Variants in KCNQ3 observed in about 807,000 individuals in gnomAD.
KCNQ3 encodes the protein potassium voltage-gated channel subfamily Q member 3, also known as potassium voltage-gated channel subfamily KQT member 3.
A neutral mutation model predicts 92.5 loss-of-function variants in KCNQ3; 30 were observed. The observed-to-expected ratio is 0.32, with a 90% CI of 0.24 to 0.44. The LOEUF is 0.44. KCNQ3 is among the 20% of genes least tolerant of loss of function. The pLI is 1.00. For synonymous variants in KCNQ3, 450 were observed against 468.8 expected (o/e 0.96, Z 0.52); for missense variants, 913 against 1,140.3 (o/e 0.80, Z 2.87).
chr8:132,358,287 G>C (rs1819069309), intron 1 of KCNQ3, among the ~76,000 whole-genome samples: 1 of 152,204 alleles, frequency 6.6e-6, no homozygotes, highest in South Asian at 2.1e-4. Context: ...AGAAGTCCTA[G>C]CACTGCCAGA....
intron 1 of KCNQ3, among the ~76,000 whole-genome samples, chr8:132,208,686 A>G (rs887355951): frequency 1.3e-5 from 2 of 152,168 alleles, no homozygotes; most frequent in Non-Finnish European, 2.9e-5. Context: ...GCGATACTGG[A>G]CTAGGTTGAC....
intron 1 of KCNQ3, among the ~76,000 whole-genome samples, chr8:132,267,204 A>G: frequency 6.6e-6 from 1 of 152,162 alleles, no homozygotes; most frequent in East Asian, 1.9e-4. Context: ...ATAATCCATT[A>G]CTAGAAAAAC....
chr8:132,204,901 T>A (rs1474183195), intron 1 of KCNQ3, among the ~76,000 whole-genome samples: 1 of 152,196 alleles, frequency 6.6e-6, no homozygotes, highest in African/African-American at 2.4e-5. Flanking sequence ...GAAATGCAGA[T>A]CACCCCCTCT....
intron 6 of KCNQ3, among the ~76,000 whole-genome samples, 163 bp from the exon 7 acceptor site, chr8:132,172,856 T>C (rs1053354656): frequency 6.6e-6 from 1 of 152,196 alleles, no homozygotes; most frequent in Non-Finnish European, 1.5e-5. Context: ...CTTCCTTCTC[T>C]TGAAGAGAGT....
chr8:132,193,081 C>T (rs187212950), intron 1 of KCNQ3, among the ~76,000 whole-genome samples: 20 of 152,266 alleles, frequency 1.3e-4, no homozygotes, highest in East Asian at 1.9e-4. Context: ...CCTTCCTCTG[C>T]GCCTTGCCCA....
intron 1 of KCNQ3, among the ~76,000 whole-genome samples, chr8:132,450,189 A>G (rs1047248084): frequency 2.0e-5 from 3 of 152,108 alleles, no homozygotes; most frequent in Non-Finnish European, 4.4e-5. Context: ...GCCAGCTTTT[A>G]TTCCCTTATT....
rs1824589558 is a variant in KCNQ3, at chr8:132,124,245, G to C, written c.*5017C>G. On this transcript the variant is annotated 3_prime_UTR_variant, in exon 15 of 15. Coordinates refer to ENST00000388996, the MANE Select transcript of KCNQ3 (RefSeq NM_004519.4). ...TGAAAGCATTTGATTTAATAATTAGGATTGTTTCTCCACGATTCTTTTTCT... is the reference window on the plus strand; with the variant it reads ...TGAAAGCATTTGATTTAATAATTAGCATTGTTTCTCCACGATTCTTTTTCT... The C allele has an allele frequency of 6.6e-6, 1 of 151,912 alleles. No individual in the cohort carries two copies. The highest frequency in any genetic ancestry group is 1.5e-5 in the Non-Finnish European group (1 of 68,036). The allele number at this position is 151,912 out of a possible 1,614,324, so 9.4% of individuals were successfully genotyped here. A position where few individuals can be genotyped will look rare whatever the true frequency, so the allele number is the denominator to read the frequency against.
At chr8:132,421,436 G>A (rs569525147) in intron 1 of KCNQ3, among the ~76,000 whole-genome samples, 10 of 152,280 alleles carry the variant, frequency 6.6e-5, no homozygotes, top group Non-Finnish European at 1.2e-4. Flanking sequence ...ACGAGGTGCT[G>A]GCAGGAAACA....
intron 1 of KCNQ3, among the ~76,000 whole-genome samples, chr8:132,291,821 T>C (rs1395308877): frequency 6.6e-6 from 1 of 152,150 alleles, no homozygotes; most frequent in Non-Finnish European, 1.5e-5. Flanking sequence ...CAAAATAACT[T>C]TAAAAACAGC....
intron 1 of KCNQ3, among the ~76,000 whole-genome samples, chr8:132,322,091 T>G (rs1563858535): frequency 6.6e-6 from 1 of 152,012 alleles, no homozygotes; most frequent in African/African-American, 2.4e-5. Context: ...CGGAGAGAGA[T>G]AAGACGGTTA....
At chr8:132,274,438 C>G (rs1816261376) in intron 1 of KCNQ3, among the ~76,000 whole-genome samples, 1 of 152,146 alleles carries the variant, frequency 6.6e-6, no homozygotes, top group Non-Finnish European at 1.5e-5. Context: ...AGTTACAATT[C>G]AAGATGAGAT....
rs1172695293 is a variant in KCNQ3, at chr8:132,481,006, C to G, written c.-474G>C. 2 of 155,406 alleles carry G rather than the reference C, an allele frequency of 1.3e-5. No individual in the cohort carries two copies. The highest frequency in any genetic ancestry group is 3.5e-4 in the South Asian group (2 of 5,712). 9.6% of individuals were successfully genotyped at this position (155,406 alleles called of 1,614,324 possible). A position where few individuals can be genotyped will look rare whatever the true frequency, so the allele number is the denominator to read the frequency against. The stretch of plus-strand genomic sequence containing the variant: ...CGCCGCCGCCGCCTCCTCCCTCCTC[C>G]GCGCTCCCACCCGCGCCCCTCCCCG... On this transcript the variant is annotated 5_prime_UTR_variant, in exon 1 of 15. Coordinates refer to ENST00000388996, the MANE Select transcript of KCNQ3 (RefSeq NM_004519.4).
chr8:132,462,801 G>C (rs1427571909), intron 1 of KCNQ3, among the ~76,000 whole-genome samples: 1 of 152,092 alleles, frequency 6.6e-6, no homozygotes, highest in Non-Finnish European at 1.5e-5. Flanking sequence ...CTGATACCCT[G>C]GACACAGGTC....
At chr8:132,278,305 G>GA (rs934665647) in intron 1 of KCNQ3, 914 of 553,124 alleles carry the variant, frequency 1.7e-3, no homozygotes, top group Non-Finnish European at 1.9e-3. Context: ...ATGGCCAAAG[G>GA]AAAAAAAAAG....
At chr8:132,315,647 T>C (rs1390011075) in intron 1 of KCNQ3, among the ~76,000 whole-genome samples, 1 of 152,210 alleles carries the variant, frequency 6.6e-6, no homozygotes, top group African/African-American at 2.4e-5. Flanking sequence ...AATTGAAAGA[T>C]AACTTATTTC....
At chr8:132,416,909 G>A (rs1429082194) in intron 1 of KCNQ3, among the ~76,000 whole-genome samples, 2 of 152,206 alleles carry the variant, frequency 1.3e-5, no homozygotes, top group Non-Finnish European at 2.9e-5. Flanking sequence ...CCCTGTTGGA[G>A]CAGACAGATA....
intron 1 of KCNQ3, among the ~76,000 whole-genome samples, chr8:132,394,514 T>G (rs1446641052): frequency 2.6e-5 from 4 of 152,198 alleles, no homozygotes; most frequent in Non-Finnish European, 5.9e-5. Flanking sequence ...CTTGATCCAG[T>G]GTAGGGACTT....
At chr8:132,296,397 A>G (rs1330389392) in intron 1 of KCNQ3, among the ~76,000 whole-genome samples, 4 of 151,816 alleles carry the variant, frequency 2.6e-5, no homozygotes, top group African/African-American at 9.7e-5. Flanking sequence ...ATTTTATTTT[A>G]TTATTATTAT....
rs186783039 is a variant in KCNQ3, at chr8:132,463,901, C to T, written c.386+16246G>A. 4.6e-5 allele frequency among the ~76,000 whole-genome samples: 7 copies of T among 152,308 alleles called. No individual in the cohort carries two copies. The East Asian group carries it at 1.4e-3, about 29-fold the overall frequency. ...AGTCTCGGCTCACCGCAACCTCCGC[C>T]TCCCGGGTTCAAGCGATTCATGCCT... On this transcript the variant is annotated intron_variant, in intron 1 of 14. Transcript: ENST00000388996.
Sources: allele counts gnomAD v4.1 joint callset (sites outside exome capture counted in the v4.1 genomes callset), GRCh38; gene constraint gnomAD v4.1.1; transcripts MANE v1.5; gene names NCBI Gene and HGNC (gene_info 2026-07-23, HGNC 2026-07-21).